RGL1: variants seen among roughly 807,000 people sequenced by gnomAD.
The protein encoded by RGL1 is ral guanine nucleotide dissociation stimulator like 1.
Under a neutral mutation model 95.2 loss-of-function variants are expected in RGL1, and 24 were observed. The ratio of observed to expected loss-of-function variants is 0.25; its 90% CI spans 0.18 to 0.35. The LOEUF is 0.35. RGL1 is among the 10% of genes least tolerant of loss of function. RGL1 has a pLI of 1.00. For synonymous variants in RGL1, 329 were observed against 344.9 expected, an observed-to-expected ratio of 0.95 and a Z score of 0.51; for missense variants, 715 against 936.3, an observed-to-expected ratio of 0.76 and a Z score of 3.08.
intron 1 of RGL1, among the ~76,000 whole-genome samples, chr1:183,682,675 T>C (rs1375693376): frequency 1.3e-5 from 2 of 152,214 alleles, no homozygotes; most frequent in South Asian, 4.2e-4. Flanking sequence ...TGTAGACGTC[T>C]ATTAGATGTG....
intron 16 of RGL1, 21 bp downstream of exon 16, chr1:183,916,722 C>T (rs377011237): frequency 4.4e-6 from 7 of 1,602,130 alleles, no homozygotes; most frequent in Non-Finnish European, 6.0e-6. Flanking sequence ...AGCCCTGACC[C>T]AGGAGCGGGT....
At chr1:183,829,323 T>C (rs1214532835) in intron 2 of RGL1, among the ~76,000 whole-genome samples, 1 of 151,938 alleles carries the variant, frequency 6.6e-6, no homozygotes, top group Admixed American at 6.6e-5. Flanking sequence ...ATACCTGTAG[T>C]CCCAGCTATT....
At chr1:183,782,330 T>C (rs1312151676) in intron 2 of RGL1, among the ~76,000 whole-genome samples, 1 of 152,184 alleles carries the variant, frequency 6.6e-6, no homozygotes, top group Non-Finnish European at 1.5e-5. Context: ...TGAGGCAAGA[T>C]AGAATCTTTT....
chr1:183,703,438 T>C (rs942575933), intron 1 of RGL1, among the ~76,000 whole-genome samples: 2 of 152,144 alleles, frequency 1.3e-5, no homozygotes, highest in African/African-American at 4.8e-5. Flanking sequence ...AGGAGCCCAG[T>C]GATGAAGATT....
chr1:183,809,418 C>T (rs1426567049), intron 2 of RGL1, among the ~76,000 whole-genome samples: 1 of 152,160 alleles, frequency 6.6e-6, no homozygotes, highest in Non-Finnish European at 1.5e-5. Flanking sequence ...AAAACTACAA[C>T]CAAGTATGTC....
chr1:183,853,073 T>C (rs1664925629), intron 3 of RGL1, among the ~76,000 whole-genome samples: 1 of 151,740 alleles, frequency 6.6e-6, no homozygotes, highest in South Asian at 2.1e-4. Context: ...CAGTGGCTCA[T>C]GCTTGTAATC....
chr1:183,847,759 A>G lies in RGL1; in HGVS notation c.332A>G (p.Glu111Gly), dbSNP rs746837970. Residue 111 changes from glutamate to glycine, a missense_variant, in exon 3 of 18, where the codon GAA (glutamate) becomes GGA (glycine). Around this residue, in one of 3 missense-constraint regions of RGL1, gnomAD observed 381 missense variants for 484.8 expected, o/e 0.79. Coordinates refer to ENST00000360851, the MANE Select transcript of RGL1 (RefSeq NM_001297671.3). ...RGFASTKEVL[E>G]LLLDRYGNLT... is the part of the protein sequence containing the mutation. ...TTTGCCTCCACTAAAGAAGTGCTGG[A>G]ACTACTGCTGGACAGGTAAGAATGT... is the stretch of plus-strand genomic sequence containing the variant. 5.8e-5 allele frequency: 93 copies of G among 1,613,746 alleles called. No individual in the cohort carries two copies. Among genetic ancestry groups the G allele is most frequent in the Non-Finnish European group, 5.5e-5 (65 of 1,179,746 alleles).
In RGL1 at chr1:183,636,575, T is replaced by A. The variant is rs16861335; in HGVS notation, c.-33+74T>A. ...GGTCGGGTGGCAAAACTGGGGTGAA[T>A]TTGTAGAATTTGGGAAAGGGTCATT... On this transcript the variant is annotated intron_variant, in intron 1 of 18. Coordinates refer to the RGL1 transcript ENST00000304685. 1,522 of 167,042 alleles carry A rather than the reference T, an allele frequency of 9.1e-3. 45 individuals carry two copies. In the East Asian group the frequency reaches 0.1, roughly 11 times the overall value. The allele number at this position is 167,042 out of a possible 1,614,324, so 10.3% of individuals were successfully genotyped here.
intron 1 of RGL1, among the ~76,000 whole-genome samples, chr1:183,717,855 A>G (rs1453876117): frequency 6.6e-6 from 1 of 152,228 alleles, no homozygotes. Context: ...ATTTGGTATG[A>G]GCACAGAAGA....
In RGL1 at chr1:183,847,673, G is replaced by C. The variant is rs1664536595; in HGVS notation, c.246G>C (p.Leu82=). 6.2e-7 allele frequency: 1 copy of C among 1,614,124 alleles called. No homozygotes were observed. The highest frequency in any genetic ancestry group is 2.2e-5 in the East Asian group (1 of 44,886). ...GTLEKLVENL[L]TAFGDNDFTY... Reference sequence around the variant, plus strand: ...TGGAGAAGCTTGTGGAGAACCTGCTGACAGCTTTTGGGGACAATGACTTTA... The same window carrying C: ...TGGAGAAGCTTGTGGAGAACCTGCTCACAGCTTTTGGGGACAATGACTTTA... The change falls in exon 3 of 18, where the codon CTG becomes CTC. Residue 82 remains leucine, a synonymous_variant. Transcript: ENST00000360851.
intron 11 of RGL1, among the ~76,000 whole-genome samples, chr1:183,902,249 T>G (rs960276998): frequency 1.3e-5 from 2 of 152,240 alleles, no homozygotes; most frequent in African/African-American, 4.8e-5. Context: ...GAAAAAAGTG[T>G]AATGGAATAT....
chr1:183,827,996 A>G (rs1375831500), intron 2 of RGL1, among the ~76,000 whole-genome samples: 1 of 152,346 alleles, frequency 6.6e-6, no homozygotes, highest in South Asian at 2.1e-4. Flanking sequence ...ACTTGCAGAG[A>G]CAGTGCTTTC....
intron 2 of RGL1, among the ~76,000 whole-genome samples, chr1:183,769,500 G>C (rs566402323): frequency 2.8e-4 from 43 of 152,328 alleles, no homozygotes; most frequent in South Asian, 1.9e-3. Flanking sequence ...AACATGCTTG[G>C]ATAGATTTAA....
chr1:183,707,898 C>T (rs377431839), intron 1 of RGL1, among the ~76,000 whole-genome samples: 31 of 151,576 alleles, frequency 2.0e-4, no homozygotes, highest in African/African-American at 6.3e-4. Flanking sequence ...AGGAGGAAGG[C>T]GATCTGGGTG....
chr1:183,666,036 G>A lies in RGL1; in HGVS notation c.-33+29535G>A, dbSNP rs531019321. 6.2e-5 allele frequency among the ~76,000 whole-genome samples: 8 copies of A among 129,500 alleles called. No individual in the cohort carries two copies. In the South Asian group the frequency reaches 7.1e-4, roughly 12 times the overall value. The allele number at this position is 129,500 out of a possible 152,430, so 85.0% of individuals were successfully genotyped here. ...TTTTTTTTTTTTGAGATGGAGTTTC[G>A]CTCTTTTTGCCCAGGCTGGAGTGCA... is the stretch of plus-strand genomic sequence containing the variant. On this transcript the variant is annotated intron_variant, in intron 1 of 18. Coordinates refer to the RGL1 transcript ENST00000304685.
intron 1 of RGL1, among the ~76,000 whole-genome samples, chr1:183,656,153 G>A (rs1651149655): frequency 6.7e-6 from 1 of 150,318 alleles, no homozygotes; most frequent in African/African-American, 2.5e-5. Flanking sequence ...CCGGCACAAG[G>A]AAGTCCCCTT....
At chr1:183,658,506 AGGGGT>A (rs1651360370) in intron 1 of RGL1, among the ~76,000 whole-genome samples, 1 of 152,046 alleles carries the variant, frequency 6.6e-6, no homozygotes, top group Non-Finnish European at 1.5e-5. Context: ...AGGCTGGGGG[AGGGGT>A]GCCCGCCATT....
chr1:183,667,646 A>G (rs1456750989), intron 1 of RGL1, among the ~76,000 whole-genome samples: 4 of 151,980 alleles, frequency 2.6e-5, no homozygotes, highest in Admixed American at 2.0e-4. Context: ...TGTTTAAAGA[A>G]ATTATTGGTA....
intron 10 of RGL1, among the ~76,000 whole-genome samples, chr1:183,899,400 G>A (rs1240723179): frequency 6.6e-6 from 1 of 152,168 alleles, no homozygotes. Context: ...TTATGACCTT[G>A]GTTGTCTTAA....
Sources: gnomAD v4.1 joint callset for allele counts (sites outside exome capture counted in the v4.1 genomes callset) on GRCh38, gnomAD v4.1.1 for gene constraint, gnomAD v4.1.1 regional missense constraint, MANE v1.5 for transcripts, NCBI Gene and HGNC (gene_info 2026-07-23, HGNC 2026-07-21) for gene names.